Variants in ZNF618 observed in about 807,000 individuals in gnomAD.
ZNF618 encodes neural precursor cell expressed, developmentally down-regulated 10.
Under a neutral mutation model 103.0 loss-of-function variants are expected in ZNF618, and 34 were observed. The ratio of observed to expected loss-of-function variants is 0.33; its 90% CI spans 0.25 to 0.44. The LOEUF (loss-of-function observed/expected upper bound fraction) is 0.44. ZNF618 is among the 20% of genes least tolerant of loss of function. The pLI, the probability that ZNF618 is intolerant of heterozygous loss-of-function variation, is 1.00. For synonymous variants in ZNF618, 551 were observed against 542.2 expected, an observed-to-expected ratio of 1.02 and a Z score of -0.23; for missense variants, 1,059 against 1,295.4, an observed-to-expected ratio of 0.82 and a Z score of 2.80.
intron 2 of ZNF618, among the ~76,000 whole-genome samples, chr9:113,987,913 C>T (rs2026140): frequency 4.0e-5 from 1 of 25,078 alleles, no homozygotes; most frequent in African/African-American, 1.3e-4. Flanking sequence ...AAGATCCCCC[C>T]CAGCTGATCT....
At chr9:113,998,470 T>C in intron 4 of ZNF618, 116 bp downstream of exon 4, 1 of 896,686 alleles carries the variant, frequency 1.1e-6, no homozygotes, top group Non-Finnish European at 1.7e-6. Context: ...CATCTCAGGG[T>C]CAAGAGGGGC....
intron 6 of ZNF618, 145 bp from the exon 7 acceptor site, chr9:114,007,205 T>G: frequency 1.5e-6 from 1 of 673,606 alleles, no homozygotes; most frequent in Non-Finnish European, 2.5e-6. Flanking sequence ...AGTTTCCTCA[T>G]GTGTAAAATG....
intron 6 of ZNF618, among the ~76,000 whole-genome samples, chr9:114,004,181 C>T (rs1264003219): frequency 6.6e-6 from 1 of 152,362 alleles, no homozygotes; most frequent in Admixed American, 6.5e-5. Context: ...TTCTAAGACA[C>T]TTTCTCATCC....
At chr9:113,906,461 G>C (rs759610053) in intron 1 of ZNF618, among the ~76,000 whole-genome samples, 2 of 152,160 alleles carry the variant, frequency 1.3e-5, no homozygotes, top group Non-Finnish European at 2.9e-5. Context: ...ATGTAGGACT[G>C]TTATTTCCTT....
chr9:113,929,335 GTC>G (rs1402177872), intron 1 of ZNF618, among the ~76,000 whole-genome samples: 1 of 152,322 alleles, frequency 6.6e-6, no homozygotes, highest in African/African-American at 2.4e-5. Flanking sequence ...GCAGTTGACT[GTC>G]TCTGCAGATT....
chr9:113,924,427 T>C (rs868645587), intron 1 of ZNF618, among the ~76,000 whole-genome samples: 5 of 146,754 alleles, frequency 3.4e-5, no homozygotes, highest in East Asian at 1.9e-4. Context: ...TCTTCTTCTT[T>C]TTTTTTTTTT....
At chr9:114,002,481 A>G in intron 5 of ZNF618, 143 bp from the exon 6 acceptor site, 6 of 831,464 alleles carry the variant, frequency 7.2e-6, no homozygotes, top group East Asian at 5.1e-5. Context: ...CCTGGCAGAC[A>G]GGGAGGAGAG....
In ZNF618 at chr9:114,036,390, C is replaced by T. The variant is rs776403269; in HGVS notation, c.1246+13C>T. On this transcript the variant is annotated intron_variant, in intron 13 of 14. Coordinates refer to ENST00000374126, the MANE Select transcript of ZNF618 (RefSeq NM_001318042.2). ...CAGTCCCATGCAGGTAAGTAGGATA[C>T]GGCTTCTCTCCCCCTCTCCTTCCTC... 39 of 1,564,938 alleles carry T rather than the reference C, an allele frequency of 2.5e-5. No homozygotes were observed. The highest frequency in any genetic ancestry group is 2.3e-4 in the Admixed American group (12 of 52,744).
chr9:113,948,700 G>A (rs781516424), intron 1 of ZNF618, among the ~76,000 whole-genome samples: 22 of 152,190 alleles, frequency 1.4e-4, no homozygotes, highest in African/African-American at 3.4e-4. Flanking sequence ...GCCATTGTGC[G>A]AGGAGCCAGC....
At chr9:113,965,360 A>G (rs955460110) in intron 1 of ZNF618, among the ~76,000 whole-genome samples, 5 of 152,118 alleles carry the variant, frequency 3.3e-5, no homozygotes, top group African/African-American at 1.2e-4. Context: ...AGAGAATGGA[A>G]AAGAACAACT....
chr9:113,942,751 C>G (rs975586785), intron 1 of ZNF618, among the ~76,000 whole-genome samples: 3 of 152,156 alleles, frequency 2.0e-5, no homozygotes, highest in Admixed American at 6.5e-5. Flanking sequence ...TCAGTTCTTT[C>G]AGGAAAATGA....
At chr9:113,897,215 C>A (rs1191543468) in intron 1 of ZNF618, among the ~76,000 whole-genome samples, 1 of 152,060 alleles carries the variant, frequency 6.6e-6, no homozygotes, top group Non-Finnish European at 1.5e-5. Context: ...TGTACTAGTA[C>A]AACTAAGAAG....
chr9:114,002,246 C>T lies in ZNF618; in HGVS notation c.511+173C>T, dbSNP rs182561367. Among the ~76,000 whole-genome samples the T allele has an allele frequency of 3.9e-5, 6 of 152,306 alleles. No individual in the cohort carries two copies. The East Asian group carries it at 9.7e-4, about 25-fold the overall frequency. On this transcript the variant is annotated intron_variant, in intron 5 of 14. Coordinates refer to ENST00000374126, the MANE Select transcript of ZNF618 (RefSeq NM_001318042.2). ...GTGCCAGGCAGGAGAAGGGAGGCCT[C>T]CTGATGCGGGACAGCTCAGGTGTGG...
At chr9:113,927,304 T>C (rs1334476113) in intron 1 of ZNF618, among the ~76,000 whole-genome samples, 1 of 152,224 alleles carries the variant, frequency 6.6e-6, no homozygotes, top group East Asian at 1.9e-4. Context: ...TTACAATTTA[T>C]TGTAGCTGTC....
At chr9:113,935,406 C>G (rs899561479) in intron 1 of ZNF618, among the ~76,000 whole-genome samples, 2 of 152,116 alleles carry the variant, frequency 1.3e-5, no homozygotes, top group African/African-American at 4.8e-5. Context: ...CAGCTGATGC[C>G]CTCTGAGCTT....
intron 1 of ZNF618, among the ~76,000 whole-genome samples, chr9:113,965,627 G>A (rs1837325335): frequency 1.3e-5 from 2 of 152,276 alleles, no homozygotes; most frequent in South Asian, 2.1e-4. Flanking sequence ...TCCACATGGA[G>A]TGGGGGAGAT....
At chr9:114,031,094 T>C (rs932999368) in intron 11 of ZNF618, among the ~76,000 whole-genome samples, 2 of 152,160 alleles carry the variant, frequency 1.3e-5, no homozygotes, top group African/African-American at 4.8e-5. Context: ...TCTCACTCTT[T>C]CCTCTGTTTT....
At position 113,915,378 on chromosome 9, in the gene ZNF618, G is replaced by A. The variant is rs184214286; in HGVS notation, c.33+38965G>A. On this transcript the variant is annotated intron_variant, in intron 1 of 14. Coordinates refer to ENST00000374126, the MANE Select transcript of ZNF618 (RefSeq NM_001318042.2). ...GACTAGATGAGCCCCTGAGAAGTCA[G>A]GCCGTTGGTTCCCTTTGAGCTTTGT... Among the ~76,000 whole-genome samples the A allele has an allele frequency of 6.6e-5, 10 of 152,310 alleles. No individual in the cohort carries two copies. The East Asian group carries it at 1.9e-3, about 29-fold the overall frequency.
chr9:113,957,601 CA>C (rs1836431372), intron 1 of ZNF618, among the ~76,000 whole-genome samples: 1 of 152,178 alleles, frequency 6.6e-6, no homozygotes, highest in Admixed American at 6.5e-5. Flanking sequence ...GACATGCCAG[CA>C]TTACCCTGGC....
Sources: gnomAD v4.1 joint callset for allele counts (sites outside exome capture counted in the v4.1 genomes callset) on GRCh38, gnomAD v4.1.1 for gene constraint, MANE v1.5 for transcripts, NCBI Gene and HGNC (gene_info 2026-07-23, HGNC 2026-07-21) for gene names.